Variants in UBE2E2 observed in about 807,000 individuals in gnomAD.
UBE2E2 encodes ubiquitin conjugating enzyme E2 E2, also known as ubiquitin-conjugating enzyme E2 E2.
A neutral mutation model predicts 24.7 loss-of-function variants in UBE2E2; 6 were observed. The observed-to-expected ratio is 0.24, with a 90% CI of 0.13 to 0.48. The LOEUF (loss-of-function observed/expected upper bound fraction) is 0.48. UBE2E2 is among the 20% of genes least tolerant of loss of function. UBE2E2 has a pLI of 0.99. For synonymous variants in UBE2E2, 104 were observed against 83.6 expected (o/e 1.24, Z -1.33); for missense variants, 169 against 245.0 (o/e 0.69, Z 2.07).
intron 3 of UBE2E2, among the ~76,000 whole-genome samples, chr3:23,299,377 G>C (rs13090633): frequency 0.074 from 11,319 of 152,042 alleles, 549 homozygotes; most frequent in Non-Finnish European, 0.092. Context: ...TGTGATGTTA[G>C]GGTGTCAATT....
chr3:23,400,541 T>A (rs892308027), intron 3 of UBE2E2, among the ~76,000 whole-genome samples: 30 of 151,748 alleles, frequency 2.0e-4, no homozygotes, highest in African/African-American at 6.5e-4. Flanking sequence ...TAGGAGCATA[T>A]GGTCAGCAGT....
intron 3 of UBE2E2, among the ~76,000 whole-genome samples, chr3:23,451,796 G>C (rs1575639101): frequency 6.6e-6 from 1 of 152,094 alleles, no homozygotes; most frequent in South Asian, 2.1e-4. Flanking sequence ...CTCTATGTTG[G>C]TGGAGTTTTA....
intron 3 of UBE2E2, among the ~76,000 whole-genome samples, chr3:23,381,202 T>C (rs1468408655): frequency 1.3e-5 from 2 of 152,250 alleles, no homozygotes; most frequent in Admixed American, 1.3e-4. Flanking sequence ...TATTTTCATC[T>C]GTCTTGTATA....
At chr3:23,387,354 C>G (rs1172179748) in intron 3 of UBE2E2, among the ~76,000 whole-genome samples, 1 of 152,180 alleles carries the variant, frequency 6.6e-6, no homozygotes, top group East Asian at 1.9e-4. Flanking sequence ...GCTTCTATCT[C>G]AGGTAAATCC....
At chr3:23,415,137 C>T (rs1697590633) in intron 3 of UBE2E2, among the ~76,000 whole-genome samples, 1 of 152,174 alleles carries the variant, frequency 6.6e-6, no homozygotes, top group South Asian at 2.1e-4. Context: ...TTTACTTCCA[C>T]TGATAAAATT....
intron 3 of UBE2E2, among the ~76,000 whole-genome samples, chr3:23,248,421 A>G (rs1697476953): frequency 6.6e-6 from 1 of 152,246 alleles, no homozygotes; most frequent in Non-Finnish European, 1.5e-5. Context: ...GAATTTTTAA[A>G]TTGTTCCACA....
chr3:23,284,191 A>G (rs1698554283), intron 3 of UBE2E2, among the ~76,000 whole-genome samples: 1 of 152,038 alleles, frequency 6.6e-6, no homozygotes, highest in Non-Finnish European at 1.5e-5. Flanking sequence ...TCTATTCTAG[A>G]TTAGCCATGT....
At chr3:23,410,631 A>T (rs1319325244) in intron 3 of UBE2E2, among the ~76,000 whole-genome samples, 1 of 152,204 alleles carries the variant, frequency 6.6e-6, no homozygotes, top group Non-Finnish European at 1.5e-5. Flanking sequence ...AAATTAGAAT[A>T]TGTATTATCT....
intron 5 of UBE2E2, among the ~76,000 whole-genome samples, chr3:23,533,748 A>G (rs1695184598): frequency 6.9e-6 from 1 of 145,002 alleles, no homozygotes; most frequent in African/African-American, 2.6e-5. Context: ...TTAGCCCCCC[A>G]AGTAGCTGGG....
At chr3:23,347,163 A>G (rs535723816) in intron 3 of UBE2E2, among the ~76,000 whole-genome samples, 27 of 152,344 alleles carry the variant, frequency 1.8e-4, no homozygotes, top group Non-Finnish European at 2.9e-4. Flanking sequence ...TCAAGGATCT[A>G]GAACTAGAAA....
chr3:23,435,444 C>G (rs1225438078), intron 3 of UBE2E2, among the ~76,000 whole-genome samples: 1 of 152,192 alleles, frequency 6.6e-6, no homozygotes, highest in Admixed American at 6.5e-5. Flanking sequence ...CCTCCTCACC[C>G]CTTTGACAAG....
rs551005745 is a variant in UBE2E2 at position 23,218,261 on chromosome 3, A to G, written c.227+949A>G. On this transcript the variant is annotated intron_variant, in intron 3 of 5. Coordinates refer to ENST00000396703, the MANE Select transcript of UBE2E2 (RefSeq NM_152653.4). Reference sequence around the variant, plus strand: ...ATAGGACTTACTTTGTGGTGAATCTAATATGGTTCTTCAAATGAATCATGT... The same window carrying G: ...ATAGGACTTACTTTGTGGTGAATCTGATATGGTTCTTCAAATGAATCATGT... 3.1e-4 allele frequency among the ~76,000 whole-genome samples: 47 copies of G among 152,282 alleles called. 1 individual carries two copies. Among genetic ancestry groups the G allele is most frequent in the Admixed American group, 2.6e-4 (4 of 15,288 alleles).
intron 3 of UBE2E2, among the ~76,000 whole-genome samples, chr3:23,395,229 A>G (rs1697046492): frequency 3.3e-5 from 5 of 152,294 alleles, no homozygotes; most frequent in South Asian, 4.1e-4. Flanking sequence ...AAAGCAGCCA[A>G]ACAACAGAAA....
At chr3:23,501,808 C>G (rs1168222991) in intron 4 of UBE2E2, among the ~76,000 whole-genome samples, 1 of 152,040 alleles carries the variant, frequency 6.6e-6, no homozygotes, top group African/African-American at 2.4e-5. Flanking sequence ...CTTCCCTTTA[C>G]TAGGAGTGTT....
At chr3:23,287,845 T>A (rs1698660760) in intron 3 of UBE2E2, among the ~76,000 whole-genome samples, 1 of 151,758 alleles carries the variant, frequency 6.6e-6, no homozygotes, top group South Asian at 2.1e-4. Flanking sequence ...TTCACCTGGC[T>A]AAAGACTTGT....
At chr3:23,470,877 C>T (rs1699021614) in intron 3 of UBE2E2, among the ~76,000 whole-genome samples, 1 of 151,876 alleles carries the variant, frequency 6.6e-6, no homozygotes, top group Non-Finnish European at 1.5e-5. Flanking sequence ...CCCAAATTGT[C>T]TCTGCAAATC....
At chr3:23,316,648 C>T (rs1694588867) in intron 3 of UBE2E2, among the ~76,000 whole-genome samples, 1 of 151,634 alleles carries the variant, frequency 6.6e-6, no homozygotes, top group South Asian at 2.1e-4. Flanking sequence ...AATCTTTCTT[C>T]TACTTTTCTC....
chr3:23,572,017 T>C (rs987205529), intron 5 of UBE2E2, among the ~76,000 whole-genome samples: 8 of 152,220 alleles, frequency 5.3e-5, no homozygotes, highest in African/African-American at 1.9e-4. Context: ...TAATGTCTCC[T>C]TGGAATTTGG....
chr3:23,479,502 C>T lies in UBE2E2; in HGVS notation c.228-20106C>T, dbSNP rs543185502. ...GGCTCCCCAGAGGGCCGTAGCTCTT[C>T]TCTCTTTCTCTTCACCCACAAGATG... On this transcript the variant is annotated intron_variant, in intron 3 of 5. Coordinates refer to ENST00000396703, the MANE Select transcript of UBE2E2 (RefSeq NM_152653.4). Among the ~76,000 whole-genome samples the T allele has an allele frequency of 5.3e-5, 8 of 152,258 alleles. No individual in the cohort carries two copies. In the South Asian group the frequency reaches 1.0e-3, roughly 20 times the overall value.
Sources: allele counts gnomAD v4.1 joint callset (sites outside exome capture counted in the v4.1 genomes callset), GRCh38; gene constraint gnomAD v4.1.1; transcripts MANE v1.5; gene names NCBI Gene and HGNC (gene_info 2026-07-23, HGNC 2026-07-21).